DNAAF8: variants seen among roughly 807,000 people sequenced by gnomAD.
DNAAF8 encodes dynein axonemal-associated protein 1.
A neutral mutation model predicts 54.6 loss-of-function variants in DNAAF8; 61 were observed. That is an observed-to-expected ratio of 1.12 (90% CI 0.91 to 1.38). DNAAF8 has a LOEUF of 1.38. Among genes scored for constraint, DNAAF8 ranks in the 40% most tolerant of loss-of-function variants. DNAAF8 has a pLI of 0.00. For synonymous variants in DNAAF8, 320 were observed against 270.1 expected, an observed-to-expected ratio of 1.18 and a Z score of -1.81; for missense variants, 837 against 665.0, an observed-to-expected ratio of 1.26 and a Z score of -2.85.
At chr16:4,745,966 A>G (rs1006835133) in intron 6 of DNAAF8, among the ~76,000 whole-genome samples, 7 of 151,714 alleles carry the variant, frequency 4.6e-5, no homozygotes, top group Admixed American at 3.3e-4. Flanking sequence ...AAAAAAAAAA[A>G]AAAGAAAAAG....
intron 5 of DNAAF8, chr16:4,743,510 T>C (rs1408974722): frequency 1.7e-5 from 3 of 177,670 alleles, no homozygotes; most frequent in Non-Finnish European, 3.5e-5. Context: ...CCACCTTCTG[T>C]GCGCAGTCAG....
Position 4,747,332 on chromosome 16 carries a change from T to C in DNAAF8, c.1281-11T>C, listed in dbSNP as rs1234548249. 1.3e-6 allele frequency: 2 copies of C among 1,547,880 alleles called. No individual in the cohort carries two copies. Among genetic ancestry groups the C allele is most frequent in the African/African-American group, 1.4e-5 (1 of 73,008 alleles). On this transcript the variant is annotated splice_polypyrimidine_tract_variant and intron_variant, in intron 8 of 9. Transcript: ENST00000299320. Reference sequence around the variant, plus strand: ...ACGGGGTTGAGTGAATTTGGTCTCATTGTGTCACAGGACCTGTACCGGGAA... The same window carrying C: ...ACGGGGTTGAGTGAATTTGGTCTCACTGTGTCACAGGACCTGTACCGGGAA...
At chr16:4,740,744 G>A in intron 4 of DNAAF8, 85 bp downstream of exon 4, 2 of 1,434,456 alleles carry the variant, frequency 1.4e-6, no homozygotes, top group East Asian at 2.3e-5. Context: ...GCTAGAAGCA[G>A]CTTGAGGGCT....
Position 4,744,851 on chromosome 16 carries a change from C to G in DNAAF8, c.902-19C>G. On this transcript the variant is annotated intron_variant, in intron 5 of 9. Coordinates refer to ENST00000299320, the MANE Select transcript of DNAAF8 (RefSeq NM_139170.3). Reference sequence around the variant, plus strand: ...GGGCCAAGTCCCCACTAATCAGCCTCTCCTTTGGCCATCCTCAGACCGCAT... The same window carrying G: ...GGGCCAAGTCCCCACTAATCAGCCTGTCCTTTGGCCATCCTCAGACCGCAT... 6.2e-7 allele frequency: 1 copy of G among 1,607,264 alleles called. No homozygotes were observed. Among genetic ancestry groups the G allele is most frequent in the Non-Finnish European group, 8.5e-7 (1 of 1,175,800 alleles).
At chr16:4,738,471 G>C (rs1210854899) in intron 3 of DNAAF8, among the ~76,000 whole-genome samples, 6 of 152,248 alleles carry the variant, frequency 3.9e-5, no homozygotes, top group African/African-American at 9.6e-5. Context: ...CAACCCAGGA[G>C]ACAATGAGCA....
Position 4,740,574 on chromosome 16 carries a change from C to T in DNAAF8, c.698C>T (p.Ala233Val), listed in dbSNP as rs143102148. The change falls in exon 4 of 10, where the codon GCG becomes GTG. Residue 233 changes from alanine to valine, a missense_variant. Transcript: ENST00000299320. ...TSSDKGGVKE[A>V]PCHAAESAPR... ...AGTGACAAAGGTGGGGTGAAGGAGG[C>T]GCCCTGCCACGCTGCGGAGTCAGCT... The T allele has an allele frequency of 2.0e-5, 33 of 1,613,496 alleles. No individual in the cohort carries two copies. Among genetic ancestry groups the T allele is most frequent in the African/African-American group, 4.0e-5 (3 of 74,912 alleles).
In DNAAF8 at chr16:4,740,920, C is replaced by T. The variant is rs186031977; in HGVS notation, c.783+261C>T. Among the ~76,000 whole-genome samples, 387 of 152,134 alleles carry T rather than the reference C, an allele frequency of 2.5e-3. 1 individual carries two copies. Among genetic ancestry groups the T allele is most frequent in the African/African-American group, 8.8e-3 (366 of 41,506 alleles). Reference sequence around the variant, plus strand: ...GAAAAGGAGGCCAGGCACAGCGGCTCGCACCTGTAATCCCAGCACTTTGGG... The same window carrying T: ...GAAAAGGAGGCCAGGCACAGCGGCTTGCACCTGTAATCCCAGCACTTTGGG... On this transcript the variant is annotated intron_variant, in intron 4 of 9. Transcript: ENST00000299320.
intron 3 of DNAAF8, among the ~76,000 whole-genome samples, chr16:4,739,899 A>G (rs2081941231): frequency 6.6e-6 from 1 of 151,702 alleles, no homozygotes; most frequent in East Asian, 1.9e-4. Context: ...ACAAAATAAT[A>G]TTAAAAAAAA....
chr16:4,743,150 C>T lies in DNAAF8; in HGVS notation c.891C>T (p.Arg297=). 6.2e-7 allele frequency: 1 copy of T among 1,602,048 alleles called. No homozygotes were observed. Among genetic ancestry groups the T allele is most frequent in the Non-Finnish European group, 8.5e-7 (1 of 1,172,496 alleles). The stretch of plus-strand genomic sequence containing the variant: ...CTGTGTGGTGGGCAGCTGACCACCG[C>T]CAAGTTCAAGGTCTGACCTTGAACA... ...PGTVWWAADH[R]QVQDRMVPSA... The change falls in exon 5 of 10, where the codon CGC becomes CGT. Residue 297 remains arginine, a synonymous_variant. Coordinates refer to ENST00000299320, the MANE Select transcript of DNAAF8 (RefSeq NM_139170.3).
intron 4 of DNAAF8, among the ~76,000 whole-genome samples, chr16:4,741,695 AG>A (rs2081962990): frequency 6.6e-6 from 1 of 152,108 alleles, no homozygotes; most frequent in Admixed American, 6.5e-5. Context: ...ACTATTTGGG[AG>A]GCTGAGGCAG....
intron 4 of DNAAF8, among the ~76,000 whole-genome samples, chr16:4,741,441 T>C (rs542442651): frequency 2.0e-4 from 31 of 152,122 alleles, no homozygotes; most frequent in African/African-American, 5.3e-4. Context: ...TGTTAAAAAG[T>C]TGTATTTAGT....
intron 4 of DNAAF8, 110 bp downstream of exon 4, chr16:4,740,769 T>G (rs1022932433): frequency 4.6e-6 from 6 of 1,305,668 alleles, no homozygotes; most frequent in Admixed American, 2.6e-5. Context: ...CACTAGGACC[T>G]TAGGCCCATT....
rs773876392 is a variant in DNAAF8 at position 4,743,143 on chromosome 16, A to T, written c.884A>T (p.Asp295Val). Reference protein sequence around the residue: ...RAPGTVWWAADHRQVQDRMVP... With the variant: ...RAPGTVWWAAVHRQVQDRMVP... Reference sequence around the variant, plus strand: ...CCTGGAACTGTGTGGTGGGCAGCTGACCACCGCCAAGTTCAAGGTCTGACC... The same window carrying T: ...CCTGGAACTGTGTGGTGGGCAGCTGTCCACCGCCAAGTTCAAGGTCTGACC... The change falls in exon 5 of 10, where the codon GAC becomes GTC. Residue 295 changes from aspartate (D) to valine (V), a missense_variant. Coordinates refer to ENST00000299320, the MANE Select transcript of DNAAF8 (RefSeq NM_139170.3). The T allele has an allele frequency of 5.0e-6, 8 of 1,604,744 alleles. No homozygotes were observed. In the South Asian group the frequency reaches 8.9e-5, roughly 18 times the overall value.
At chr16:4,745,536 T>C (rs1009881829) in intron 6 of DNAAF8, among the ~76,000 whole-genome samples, 1 of 152,200 alleles carries the variant, frequency 6.6e-6, no homozygotes, top group Admixed American at 6.5e-5. Flanking sequence ...GGCCCCTCTA[T>C]ATGCCTGCCC....
chr16:4,743,046 C>A lies in DNAAF8; in HGVS notation c.787C>A (p.Leu263Ile). 1 of 1,606,618 alleles carries A rather than the reference C, an allele frequency of 6.2e-7. No homozygotes were observed. Among genetic ancestry groups the A allele is most frequent in the Non-Finnish European group, 8.5e-7 (1 of 1,174,068 alleles). The change falls in exon 5 of 10, where the codon CTT becomes ATT. Residue 263 changes from leucine to isoleucine, a missense_variant. Coordinates refer to ENST00000299320, the MANE Select transcript of DNAAF8 (RefSeq NM_139170.3). ...EGPPVLSLQQ[L>I]EAWDLDDILQ... Reference sequence around the variant, plus strand: ...TCACTGGTTTTAATGATTTCAGCAACTTGAAGCGTGGGATTTGGATGACAT... The same window carrying A: ...TCACTGGTTTTAATGATTTCAGCAAATTGAAGCGTGGGATTTGGATGACAT...
chr16:4,746,412 G>C lies in DNAAF8; in HGVS notation c.1081G>C (p.Gly361Arg). Residue 361 changes from glycine to arginine, a missense_variant, in exon 7 of 10, where the codon GGC becomes CGC. Gly to Arg is a moderately radical substitution (Grantham distance 125). Transcript: ENST00000299320. ...SRKQGSQAGP[G>R]PQLAQGMRLN... ...GAAGCAGGGCTCCCAGGCTGGGCCA[G>C]GCCCGCAGCTGGCCCAGGGCATGAG... The C allele has an allele frequency of 6.2e-7, 1 of 1,613,378 alleles. No homozygotes were observed. The highest frequency in any genetic ancestry group is 1.1e-5 in the South Asian group (1 of 91,082).
At position 4,740,373 on chromosome 16, in the gene DNAAF8, G is replaced by C; in HGVS notation, c.497G>C (p.Trp166Ser). ...FNTKGSQGPP[W>S]DPQAEATLSC... Reference sequence around the variant, plus strand: ...ACCAAAGGATCCCAGGGTCCTCCCTGGGACCCACAGGCCGAAGCCACTCTC... The same window carrying C: ...ACCAAAGGATCCCAGGGTCCTCCCTCGGACCCACAGGCCGAAGCCACTCTC... The change falls in exon 4 of 10, where the codon TGG becomes TCG. Residue 166 changes from tryptophan to serine, a missense_variant. Coordinates refer to ENST00000299320, the MANE Select transcript of DNAAF8 (RefSeq NM_139170.3). 6.2e-7 allele frequency: 1 copy of C among 1,613,822 alleles called. No homozygotes were observed. Among genetic ancestry groups the C allele is most frequent in the Non-Finnish European group, 8.5e-7 (1 of 1,179,984 alleles).
At chr16:4,737,150 G>C (rs1483615361) in intron 2 of DNAAF8, among the ~76,000 whole-genome samples, 1 of 152,160 alleles carries the variant, frequency 6.6e-6, no homozygotes, top group African/African-American at 2.4e-5. Flanking sequence ...TGCTAAAGAT[G>C]CTCCTGGCGG....
rs780270762 is a variant in DNAAF8 at position 4,747,582 on chromosome 16, G to A, written c.1520G>A (p.Gly507Glu). Residue 507 changes from glycine (G) to glutamate (E), a missense_variant, in exon 9 of 10, where the codon GGG (glycine) becomes GAG (glutamate). Physicochemically the swap from Gly to Glu is moderately conservative, Grantham distance 98 (BLOSUM62 -2). Transcript: ENST00000299320. ...PRALGDVPEP[G>E]AAREALMPPL... ...GCCCTGGGGGATGTTCCTGAGCCAGGGGCAGCCAGGGAGGCCCTGATGCCT... is the reference window on the plus strand; with the variant it reads ...GCCCTGGGGGATGTTCCTGAGCCAGAGGCAGCCAGGGAGGCCCTGATGCCT... The A allele has an allele frequency of 7.5e-6, 12 of 1,610,690 alleles. No individual in the cohort carries two copies. The highest frequency in any genetic ancestry group is 2.7e-5 in the African/African-American group (2 of 74,886).
Sources: allele counts gnomAD v4.1 joint callset (sites outside exome capture counted in the v4.1 genomes callset), GRCh38; gene constraint gnomAD v4.1.1; transcripts MANE v1.5; gene names NCBI Gene and HGNC (gene_info 2026-07-23, HGNC 2026-07-21).